SYN2: variants seen among roughly 807,000 people sequenced by gnomAD.
The protein encoded by SYN2 is synapsin-2.
In SYN2, 19 loss-of-function variants were observed where a neutral mutation model predicts 50.9. That is an observed-to-expected ratio of 0.37 (90% confidence interval 0.26 to 0.55). The LOEUF is 0.55. SYN2 is among the 20% of genes least tolerant of loss of function. The pLI is 0.81. For missense variants in SYN2, 587 were observed against 576.4 expected (o/e 1.02, Z -0.19); for synonymous variants, 255 against 224.9 (o/e 1.13, Z -1.20).
chr3:12,139,096 G>T (rs7647950), intron 1 of SYN2, among the ~76,000 whole-genome samples: 14,616 of 152,166 alleles, frequency 0.096, 978 homozygotes, highest in African/African-American at 0.19. Flanking sequence ...GGGCAGAGGT[G>T]GGGGGTGGAC....
At chr3:12,024,965 A>C (rs528346046) in intron 1 of SYN2, among the ~76,000 whole-genome samples, 7 of 152,346 alleles carry the variant, frequency 4.6e-5, no homozygotes, top group African/African-American at 1.2e-4. Flanking sequence ...CAAAGACCTT[A>C]GACTGGGAGG....
rs1179510320 is a variant in SYN2 at position 12,018,198 on chromosome 3, A to G, written c.377+13270A>G. Among the ~76,000 whole-genome samples the G allele has an allele frequency of 2.6e-5, 4 of 152,310 alleles. No homozygotes were observed. The East Asian group carries it at 7.7e-4, about 29-fold the overall frequency. On this transcript the variant is annotated intron_variant, in intron 1 of 12. Transcript: ENST00000621198. ...AAGAGAATGTTCTACAGAAGGGACA[A>G]ATCTGAGCTGAGCTTTGAAAGATGA...
At chr3:12,099,128 A>G (rs1184482469) in intron 1 of SYN2, among the ~76,000 whole-genome samples, 2 of 152,148 alleles carry the variant, frequency 1.3e-5, no homozygotes, top group Admixed American at 1.3e-4. Flanking sequence ...TTAAGACTTC[A>G]GTACTTCACC....
intron 1 of SYN2, among the ~76,000 whole-genome samples, chr3:12,058,239 G>A (rs958861561): frequency 6.6e-6 from 1 of 152,136 alleles, no homozygotes; most frequent in Non-Finnish European, 1.5e-5. Context: ...GCATAAATAT[G>A]TTTTCTTTCC....
At chr3:12,154,547 C>T in intron 5 of SYN2, 1 of 1,455,718 alleles carries the variant, frequency 6.9e-7, no homozygotes, top group Admixed American at 2.1e-5. Context: ...GCAGCCTCCC[C>T]AATGACTTTG....
At chr3:12,145,534 C>G in intron 3 of SYN2, 145 bp from the exon 4 acceptor site, 1 of 969,786 alleles carries the variant, frequency 1.0e-6, no homozygotes, top group Non-Finnish European at 1.5e-6. Context: ...AGACCTGTCT[C>G]TAAAATAACA....
rs144808077 is a variant in SYN2 at position 12,071,139 on chromosome 3, C to T, written c.377+66211C>T. On this transcript the variant is annotated intron_variant, in intron 1 of 12. Transcript: ENST00000621198. ...TACATGCCAACAAGGTGCTGTCCAG[C>T]GGCACTACCATGTACCCGGGCATCA... The T allele has an allele frequency of 9.5e-4, 530 of 557,352 alleles. 4 individuals are homozygous for T. The highest frequency in any genetic ancestry group is 9.0e-3 in the African/African-American group (474 of 52,774). 34.5% of individuals were successfully genotyped at this position (557,352 alleles called of 1,614,324 possible).
At chr3:12,146,814 A>G (rs1463364237) in intron 4 of SYN2, among the ~76,000 whole-genome samples, 2 of 152,002 alleles carry the variant, frequency 1.3e-5, no homozygotes, top group African/African-American at 2.4e-5. Context: ...CACTGAGGGG[A>G]CCCAGCTCCT....
chr3:12,173,210 A>G (rs1052553073), intron 10 of SYN2, among the ~76,000 whole-genome samples: 4 of 152,192 alleles, frequency 2.6e-5, no homozygotes, highest in Non-Finnish European at 4.4e-5. Flanking sequence ...AAATGCCACA[A>G]CTTGAGCTTA....
chr3:12,132,481 T>G (rs1696816530), intron 1 of SYN2, among the ~76,000 whole-genome samples: 1 of 152,238 alleles, frequency 6.6e-6, no homozygotes, highest in Non-Finnish European at 1.5e-5. Context: ...TTGGGTGATC[T>G]GAGATGAGTG....
intron 1 of SYN2, among the ~76,000 whole-genome samples, chr3:12,042,588 A>C (rs1488482711): frequency 6.6e-6 from 1 of 152,174 alleles, no homozygotes; most frequent in African/African-American, 2.4e-5. Flanking sequence ...CTAAAGAAGG[A>C]GGGTGTAGTG....
At chr3:12,040,559 A>G (rs1163427122) in intron 1 of SYN2, among the ~76,000 whole-genome samples, 2 of 150,912 alleles carry the variant, frequency 1.3e-5, no homozygotes, top group Non-Finnish European at 2.9e-5. Flanking sequence ...CAGCCTCCCG[A>G]GTAGCTGGGA....
intron 1 of SYN2, among the ~76,000 whole-genome samples, chr3:12,045,204 GC>G (rs1322238654): frequency 6.6e-6 from 1 of 152,112 alleles, no homozygotes; most frequent in Non-Finnish European, 1.5e-5. Flanking sequence ...GGGGTTTACT[GC>G]ATTTAGTATT....
At chr3:12,013,663 C>T (rs574741115) in intron 1 of SYN2, among the ~76,000 whole-genome samples, 6 of 152,276 alleles carry the variant, frequency 3.9e-5, no homozygotes, top group African/African-American at 1.4e-4. Flanking sequence ...TTAACTTTCA[C>T]CTAGAACTTC....
intron 1 of SYN2, among the ~76,000 whole-genome samples, chr3:12,120,711 A>C (rs1178581947): frequency 2.0e-5 from 3 of 152,046 alleles, no homozygotes; most frequent in Non-Finnish European, 4.4e-5. Flanking sequence ...GAGGGAATAC[A>C]TCTCAACCTC....
intron 7 of SYN2, chr3:12,165,458 A>G (rs1697760719): frequency 6.6e-6 from 1 of 152,246 alleles, no homozygotes; most frequent in Non-Finnish European, 1.5e-5. Context: ...AATGAAATAA[A>G]TGAGCCTATA....
chr3:12,169,428 G>A (rs1008119857), intron 9 of SYN2, among the ~76,000 whole-genome samples: 22 of 152,152 alleles, frequency 1.4e-4, no homozygotes, highest in African/African-American at 4.6e-4. Flanking sequence ...TCACATCTAC[G>A]TGCTCCCCTG....
At chr3:12,063,103 G>A (rs1284704034) in intron 1 of SYN2, among the ~76,000 whole-genome samples, 2 of 151,678 alleles carry the variant, frequency 1.3e-5, no homozygotes, top group African/African-American at 2.4e-5. Context: ...TAAATACAGT[G>A]AAACACAGGA....
chr3:12,080,244 A>G (rs1051042204), intron 1 of SYN2, among the ~76,000 whole-genome samples: 4 of 149,784 alleles, frequency 2.7e-5, no homozygotes, highest in Admixed American at 6.7e-5. Flanking sequence ...TTTCAAAACA[A>G]CAGCTCCCGG....
Sources: gnomAD v4.1 joint callset for allele counts (sites outside exome capture counted in the v4.1 genomes callset) on GRCh38, gnomAD v4.1.1 for gene constraint, MANE v1.5 for transcripts, NCBI Gene and HGNC (gene_info 2026-07-23, HGNC 2026-07-21) for gene names.